The following CLASP1 variants were observed in gnomAD, a reference collection of about 807,000 sequenced individuals.
The protein encoded by CLASP1 is CLIP-associating protein 1.
A neutral mutation model predicts 192.3 loss-of-function variants in CLASP1; 38 were observed. The ratio of observed to expected loss-of-function variants is 0.20; its 90% confidence interval spans 0.15 to 0.26. CLASP1 has a LOEUF of 0.26. Among genes scored for constraint, CLASP1 ranks in the 10% least tolerant of loss-of-function variants. The pLI is 1.00. For synonymous variants in CLASP1, 691 were observed against 712.8 expected, an observed-to-expected ratio of 0.97 and a Z score of 0.49; for missense variants, 1,433 against 1,932.5, an observed-to-expected ratio of 0.74 and a Z score of 4.85.
intron 19 of CLASP1, among the ~76,000 whole-genome samples, chr2:121,443,973 A>G (rs560088101): frequency 2.0e-5 from 3 of 152,304 alleles, no homozygotes; most frequent in South Asian, 4.1e-4. Context: ...ACTAAATAAT[A>G]TATGAAAATG....
intron 34 of CLASP1, among the ~76,000 whole-genome samples, chr2:121,371,639 A>G (rs1349034682): frequency 6.6e-6 from 1 of 152,082 alleles, no homozygotes; most frequent in Non-Finnish European, 1.5e-5. Flanking sequence ...CCCCGCTTCA[A>G]AGCAGGCCTC....
chr2:121,398,497 T>G (rs1458555895), intron 28 of CLASP1, 97 bp from the exon 30 acceptor site: 4 of 776,558 alleles, frequency 5.2e-6, no homozygotes, highest in Non-Finnish European at 2.1e-6. Context: ...AGTTAATGTA[T>G]GTAAAACCCT....
chr2:121,422,967 G>A (rs2079761595), intron 22 of CLASP1, among the ~76,000 whole-genome samples: 1 of 151,792 alleles, frequency 6.6e-6, no homozygotes, highest in South Asian at 2.1e-4. Flanking sequence ...GCTATACAAT[G>A]AGTCAAATGT....
At position 121,407,967 on chromosome 2, in the gene CLASP1, G is replaced by A. The variant is rs983112603; in HGVS notation, c.2425-252C>T. On this transcript the variant is annotated intron_variant, in intron 24 of 39. Transcript: ENST00000263710. ...CTAGTAAAGTGCGTAGACTTTACAGGAAGACAGACAGATCACAACCTTGGT... is the reference window on the plus strand; with the variant it reads ...CTAGTAAAGTGCGTAGACTTTACAGAAAGACAGACAGATCACAACCTTGGT... The A allele has an allele frequency of 1.4e-5, 8 of 575,798 alleles. No individual in the cohort carries two copies. The East Asian group carries it at 2.6e-4, about 19-fold the overall frequency. 35.7% of individuals were successfully genotyped at this position (575,798 alleles called of 1,614,324 possible).
At chr2:121,502,837 T>C (rs1180702034) in intron 8 of CLASP1, among the ~76,000 whole-genome samples, 1 of 152,060 alleles carries the variant, frequency 6.6e-6, no homozygotes, top group Non-Finnish European at 1.5e-5. Context: ...AAGATACTGT[T>C]TAGGAGGGAA....
exon 5 of CLASP1, chr2:121,527,814 A>G (rs755143508): frequency 1.1e-5 from 18 of 1,613,572 alleles, no homozygotes; most frequent in Non-Finnish European, 1.4e-5. Context: ...GAGTGTTGCT[A>G]TAAGGCAGAG....
At chr2:121,410,577 A>G (rs149344557) in intron 24 of CLASP1, among the ~76,000 whole-genome samples, 3 of 152,326 alleles carry the variant, frequency 2.0e-5, no homozygotes, top group Non-Finnish European at 4.4e-5. Context: ...AAGCCCAATG[A>G]CATCTGAGAA....
At chr2:121,518,583 T>C (rs2094382012) in intron 6 of CLASP1, among the ~76,000 whole-genome samples, 1 of 152,122 alleles carries the variant, frequency 6.6e-6, no homozygotes. Context: ...ACATTGAAAA[T>C]GCGGTCGGGC....
intron 30 of CLASP1, among the ~76,000 whole-genome samples, chr2:121,392,815 A>G (rs187688778): frequency 6.6e-6 from 1 of 152,188 alleles, no homozygotes; most frequent in African/African-American, 2.4e-5. Flanking sequence ...GGGCTCCCAC[A>G]CTGAGAAAAT....
intron 2 of CLASP1, among the ~76,000 whole-genome samples, chr2:121,598,347 T>C (rs1219158138): frequency 6.6e-6 from 1 of 152,214 alleles, no homozygotes; most frequent in African/African-American, 2.4e-5. Flanking sequence ...TGAGTCTGAG[T>C]GAGAGAGGCA....
chr2:121,444,389 A>G (rs1351409845), intron 19 of CLASP1, among the ~76,000 whole-genome samples: 4 of 152,214 alleles, frequency 2.6e-5, no homozygotes, highest in Non-Finnish European at 5.9e-5. Flanking sequence ...ACAAATAAAA[A>G]ATAGCATCAT....
intron 7 of CLASP1, among the ~76,000 whole-genome samples, chr2:121,515,169 G>A (rs957061450): frequency 3.9e-5 from 6 of 152,158 alleles, no homozygotes; most frequent in Admixed American, 6.5e-5. Flanking sequence ...CTGATGAGAC[G>A]CTGATCCCCT....
intron 2 of CLASP1, among the ~76,000 whole-genome samples, chr2:121,572,912 C>T (rs2060112612): frequency 6.6e-6 from 1 of 152,064 alleles, no homozygotes; most frequent in Non-Finnish European, 1.5e-5. Flanking sequence ...AGCTTGGGTC[C>T]CACTAACCCA....
intron 2 of CLASP1, among the ~76,000 whole-genome samples, chr2:121,562,218 C>T (rs543167978): frequency 3.3e-5 from 5 of 152,286 alleles, no homozygotes; most frequent in Admixed American, 1.3e-4. Context: ...CAAAGCCCAG[C>T]GCCAGCCACA....
intron 36 of CLASP1, chr2:121,364,327 T>C (rs2066976991): frequency 6.6e-6 from 1 of 152,394 alleles, no homozygotes; most frequent in Admixed American, 6.5e-5. Context: ...TCTCTTCTCA[T>C]TTCTCTTCTC....
At chr2:121,635,326 G>A (rs1018757787) in intron 1 of CLASP1, among the ~76,000 whole-genome samples, 2 of 152,052 alleles carry the variant, frequency 1.3e-5, no homozygotes, top group African/African-American at 2.4e-5. Context: ...ATGTTGTTAT[G>A]TTGCTTGGAA....
intron 17 of CLASP1, 148 bp from the exon 18 acceptor site, chr2:121,448,473 CCT>C: frequency 2.9e-6 from 2 of 698,886 alleles, no homozygotes; most frequent in Non-Finnish European, 4.9e-6. Context: ...TTGTAAACTC[CCT>C]GATTCCCAAC....
chr2:121,457,639 T>C (rs1344643014), intron 14 of CLASP1, 48 bp downstream of exon 14: 40 of 1,429,738 alleles, frequency 2.8e-5, no homozygotes, highest in Non-Finnish European at 3.6e-5. Context: ...GAATTTGTTT[T>C]GGTTTTTAAA....
chr2:121,370,332 C>CG (rs2068362924), intron 34 of CLASP1, among the ~76,000 whole-genome samples: 1 of 151,478 alleles, frequency 6.6e-6, no homozygotes, highest in African/African-American at 2.4e-5. Flanking sequence ...GATTTTCTTT[C>CG]TTTTTTTTTG....
Sources: gnomAD v4.1 joint callset for allele counts (sites outside exome capture counted in the v4.1 genomes callset) on GRCh38, gnomAD v4.1.1 for gene constraint, MANE v1.5 for transcripts, NCBI Gene and HGNC (gene_info 2026-07-23, HGNC 2026-07-21) for gene names.